Variants in JAK1 observed in about 807,000 individuals in gnomAD.
JAK1 encodes the protein Janus kinase 1.
In JAK1, 16 loss-of-function variants were observed where a neutral mutation model predicts 136.6. The observed-to-expected ratio is 0.12, with a 90% confidence interval of 0.08 to 0.18. JAK1 has a LOEUF of 0.18. Ranked by LOEUF, JAK1 falls within the 10% of genes least tolerant of loss-of-function variation. The pLI is 1.00. For missense variants in JAK1, 859 were observed against 1,450.1 expected, an observed-to-expected ratio of 0.59 and a Z score of 6.62; for synonymous variants, 492 against 519.5, an observed-to-expected ratio of 0.95 and a Z score of 0.72.
At chr1:64,922,883 A>G (rs770814007) in intron 1 of JAK1, among the ~76,000 whole-genome samples, 16 of 152,164 alleles carry the variant, frequency 1.1e-4, no homozygotes, top group Admixed American at 6.5e-4. Flanking sequence ...TGGACACTTG[A>G]GCTTCTAAGC....
At chr1:65,011,726 A>T (rs982045348) in intron 2 of JAK1, among the ~76,000 whole-genome samples, 1 of 152,170 alleles carries the variant, frequency 6.6e-6, no homozygotes. Flanking sequence ...TAGGACATTG[A>T]GGAAGTAGAA....
At chr1:65,061,189 CAGG>C (rs1284617224) in intron 1 of JAK1, among the ~76,000 whole-genome samples, 1 of 152,102 alleles carries the variant, frequency 6.6e-6, no homozygotes, top group Non-Finnish European at 1.5e-5. Flanking sequence ...GAGGCTGAGG[CAGG>C]AGGATTGCTG....
chr1:64,907,238 T>A (rs556415631), intron 1 of JAK1, among the ~76,000 whole-genome samples: 30 of 152,316 alleles, frequency 2.0e-4, no homozygotes, highest in African/African-American at 6.7e-4. Flanking sequence ...ATACGTTCTA[T>A]CTAAATATAC....
At chr1:64,940,012 C>T (rs1645859429) in intron 1 of JAK1, among the ~76,000 whole-genome samples, 1 of 152,142 alleles carries the variant, frequency 6.6e-6, no homozygotes, top group African/African-American at 2.4e-5. Flanking sequence ...ACGAACATTA[C>T]ATATTGCCAA....
At chr1:64,936,743 A>T (rs1557706486) in intron 1 of JAK1, among the ~76,000 whole-genome samples, 1 of 152,126 alleles carries the variant, frequency 6.6e-6, no homozygotes, top group Non-Finnish European at 1.5e-5. Context: ...TAAGTTAGTT[A>T]ATCTACTTAG....
At chr1:65,060,276 G>A (rs983958639) in intron 1 of JAK1, among the ~76,000 whole-genome samples, 9 of 152,072 alleles carry the variant, frequency 5.9e-5, no homozygotes, top group Admixed American at 3.3e-4. Flanking sequence ...GCTGTTCCAC[G>A]AAAAAGGATA....
At chr1:64,978,394 T>A (rs1646515111) in intron 2 of JAK1, among the ~76,000 whole-genome samples, 1 of 152,202 alleles carries the variant, frequency 6.6e-6, no homozygotes. Flanking sequence ...AAGATAAACA[T>A]TAGTTTATTA....
intron 20 of JAK1, 38 bp from the exon 21 acceptor site, chr1:64,838,627 A>G (rs773780939): frequency 3.1e-6 from 5 of 1,607,010 alleles, no homozygotes; most frequent in Middle Eastern, 3.3e-4. Flanking sequence ...GAGGCTGCCA[A>G]ATGAGGGAAC....
chr1:65,037,854 A>T (rs1010084450), intron 2 of JAK1, among the ~76,000 whole-genome samples: 1 of 152,164 alleles, frequency 6.6e-6, no homozygotes, highest in Non-Finnish European at 1.5e-5. Context: ...CAACAGAGTG[A>T]GACCTTGTTT....
intron 5 of JAK1, 127 bp downstream of exon 5, chr1:64,873,243 G>A: frequency 1.9e-6 from 2 of 1,075,308 alleles, no homozygotes; most frequent in Non-Finnish European, 2.7e-6. Context: ...GGTGTGGCAA[G>A]AACTTACCCA....
intron 1 of JAK1, among the ~76,000 whole-genome samples, chr1:65,055,554 A>T (rs377515494): frequency 2.0e-5 from 3 of 152,206 alleles, no homozygotes; most frequent in East Asian, 3.8e-4. Context: ...CCTAGGTTTA[A>T]TTGCAATCTT....
chr1:64,909,287 T>C (rs1420782352), intron 1 of JAK1, among the ~76,000 whole-genome samples: 1 of 152,118 alleles, frequency 6.6e-6, no homozygotes, highest in Non-Finnish European at 1.5e-5. Context: ...GCACCCCATC[T>C]GGGCCGTGGT....
intron 1 of JAK1, among the ~76,000 whole-genome samples, chr1:64,965,148 G>GA (rs1553176089): frequency 6.6e-6 from 1 of 152,102 alleles, no homozygotes; most frequent in Non-Finnish European, 1.5e-5. Flanking sequence ...AACACGCCCT[G>GA]ATTTACATCT....
rs80094399 is a variant in JAK1 at position 65,004,273 on chromosome 1, A to C, written c.-78+40207T>G. ...CTTTCTTATTCACACAAAATATGTGAAGAAAAGGAGGAAGAGGAGGAGGAG... is the reference window on the plus strand; with the variant it reads ...CTTTCTTATTCACACAAAATATGTGCAGAAAAGGAGGAAGAGGAGGAGGAG... On this transcript the variant is annotated intron_variant, in intron 2 of 25. Transcript: ENST00000671954. 3.9e-5 allele frequency among the ~76,000 whole-genome samples: 6 copies of C among 152,334 alleles called. No homozygotes were observed. In the East Asian group the frequency reaches 1.2e-3, roughly 29 times the overall value.
chr1:64,965,703 G>C (rs1646361096), intron 1 of JAK1, among the ~76,000 whole-genome samples: 1 of 152,114 alleles, frequency 6.6e-6, no homozygotes, highest in Non-Finnish European at 1.5e-5. Flanking sequence ...CTCTCGCCCA[G>C]GGTCTCCTTT....
intron 4 of JAK1, among the ~76,000 whole-genome samples, chr1:64,877,232 A>G (rs1032596880): frequency 1.4e-4 from 22 of 152,228 alleles, no homozygotes; most frequent in Non-Finnish European, 1.9e-4. Context: ...ATCATCACCA[A>G]CATTTATTTT....
At chr1:64,894,513 C>G (rs532645466) in intron 1 of JAK1, among the ~76,000 whole-genome samples, 1 of 152,282 alleles carries the variant, frequency 6.6e-6, no homozygotes, top group East Asian at 1.9e-4. Flanking sequence ...AATCCCAGCA[C>G]TTTGGGACGC....
At chr1:64,866,346 T>C (rs1231569985) in intron 7 of JAK1, among the ~76,000 whole-genome samples, 1 of 152,180 alleles carries the variant, frequency 6.6e-6, no homozygotes. Context: ...TATTTCTTCA[T>C]CCAATAAATA....
At chr1:65,009,112 G>A (rs932110518) in intron 2 of JAK1, among the ~76,000 whole-genome samples, 7 of 152,008 alleles carry the variant, frequency 4.6e-5, no homozygotes, top group African/African-American at 1.2e-4. Flanking sequence ...AATGTCCACC[G>A]ACAGAAGAAT....
Sources: gnomAD v4.1 joint callset for allele counts (sites outside exome capture counted in the v4.1 genomes callset) on GRCh38, gnomAD v4.1.1 for gene constraint, MANE v1.5 for transcripts, NCBI Gene and HGNC (gene_info 2026-07-23, HGNC 2026-07-21) for gene names.